Variants in FLVCR2 observed in about 807,000 individuals in gnomAD.
FLVCR2 encodes choline/ethanolamine transporter FLVCR2.
Under a neutral mutation model 48.9 loss-of-function variants are expected in FLVCR2, and 38 were observed. The ratio of observed to expected loss-of-function variants is 0.78; its 90% CI spans 0.60 to 1.02. FLVCR2 has a LOEUF of 1.02. Among genes scored for constraint, FLVCR2 ranks in the 50% least tolerant of loss-of-function variants. The pLI is 0.00. For missense variants in FLVCR2, 664 were observed against 663.3 expected, an observed-to-expected ratio of 1.00 and a Z score of -0.01; for synonymous variants, 255 against 257.0, an observed-to-expected ratio of 0.99 and a Z score of 0.07.
chr14:75,628,595 T>C (rs907281659), intron 3 of FLVCR2, among the ~76,000 whole-genome samples: 2 of 152,176 alleles, frequency 1.3e-5, no homozygotes, highest in African/African-American at 4.8e-5. Flanking sequence ...GCAACAGCAT[T>C]TCACAGGCAC....
rs1465593049 is a variant in FLVCR2 at position 75,578,631 on chromosome 14, C to A, written c.-342C>A. ...CAAGCTGGCCCGGGAGAGGACTCTGCGGGCGAAGTGGCTGCGCAAGGAGAG... is the reference window on the plus strand; with the variant it reads ...CAAGCTGGCCCGGGAGAGGACTCTGAGGGCGAAGTGGCTGCGCAAGGAGAG... On this transcript the variant is annotated 5_prime_UTR_variant, in exon 1 of 10. Coordinates refer to ENST00000238667, the MANE Select transcript of FLVCR2 (RefSeq NM_017791.3). 2.6e-6 allele frequency: 1 copy of A among 386,290 alleles called. No individual in the cohort carries two copies. The highest frequency in any genetic ancestry group is 2.3e-5 in the South Asian group (1 of 42,780). 23.9% of individuals were successfully genotyped at this position (386,290 alleles called of 1,614,324 possible).
chr14:75,617,146 G>T (rs1044763542), intron 1 of FLVCR2, among the ~76,000 whole-genome samples: 2 of 152,204 alleles, frequency 1.3e-5, no homozygotes, highest in Non-Finnish European at 2.9e-5. Context: ...GTGTTGTGTT[G>T]TGTAATGGGT....
intron 9 of FLVCR2, among the ~76,000 whole-genome samples, chr14:75,645,303 T>G (rs1201244669): frequency 2.6e-5 from 4 of 152,178 alleles, no homozygotes; most frequent in African/African-American, 9.7e-5. Flanking sequence ...CCTGTGCATG[T>G]CCTCTAGGCC....
intron 1 of FLVCR2, among the ~76,000 whole-genome samples, chr14:75,610,858 C>A (rs1889424825): frequency 6.6e-6 from 1 of 152,318 alleles, no homozygotes; most frequent in African/African-American, 2.4e-5. Flanking sequence ...CATCTACTCG[C>A]TTTGGGTGGT....
chr14:75,621,584 G>T (rs530836704), intron 1 of FLVCR2, among the ~76,000 whole-genome samples: 11 of 152,284 alleles, frequency 7.2e-5, no homozygotes, highest in South Asian at 2.1e-4. Flanking sequence ...ATAAACTGAA[G>T]CTTCCATGCT....
Position 75,579,498 on chromosome 14 carries a change from C to G in FLVCR2, c.526C>G (p.Leu176Val). The G allele has an allele frequency of 1.9e-6, 3 of 1,612,982 alleles. No homozygotes were observed. Among genetic ancestry groups the G allele is most frequent in the Non-Finnish European group, 2.5e-6 (3 of 1,179,084 alleles). The change falls in exon 1 of 10, where the codon CTC (leucine) becomes GTC (valine). Residue 176 changes from leucine (L) to valine (V), a missense_variant. Physicochemically the swap from Leu to Val is conservative, Grantham distance 32. Transcript: ENST00000238667. ...GAAGCTGGGCAGCCTGAAGCCGCAT[C>G]TCTTTCCGGTCACCGTGGTGGGCCA... ...WVKLGSLKPH[L>V]FPVTVVGQLI...
intron 1 of FLVCR2, among the ~76,000 whole-genome samples, chr14:75,616,052 C>T (rs928961300): frequency 3.7e-5 from 2 of 54,640 alleles, no homozygotes; most frequent in African/African-American, 4.9e-5. Context: ...AAAAAAATAG[C>T]GTAAGTCCAG....
At chr14:75,585,990 G>A (rs932808432) in intron 1 of FLVCR2, among the ~76,000 whole-genome samples, 1 of 152,184 alleles carries the variant, frequency 6.6e-6, no homozygotes, top group African/African-American at 2.4e-5. Context: ...GGTCGTAGGT[G>A]GATCTCTTCA....
intron 5 of FLVCR2, among the ~76,000 whole-genome samples, chr14:75,636,057 G>A (rs754416724): frequency 6.6e-6 from 1 of 152,142 alleles, no homozygotes; most frequent in Non-Finnish European, 1.5e-5. Context: ...CTTCCCTTGT[G>A]ATTTTCCAGT....
intron 1 of FLVCR2, among the ~76,000 whole-genome samples, chr14:75,586,222 C>G (rs1010041060): frequency 6.6e-6 from 1 of 152,024 alleles, no homozygotes; most frequent in Non-Finnish European, 1.5e-5. Context: ...TTGGGATAGG[C>G]GGTGGGTTAG....
At chr14:75,587,840 C>G (rs1287411824) in intron 1 of FLVCR2, among the ~76,000 whole-genome samples, 1 of 152,138 alleles carries the variant, frequency 6.6e-6, no homozygotes, top group Non-Finnish European at 1.5e-5. Context: ...GGTGAGAGTC[C>G]TATAGGATGG....
rs1889855642 is a variant in FLVCR2 at position 75,624,748 on chromosome 14, C to T, written c.948C>T (p.Thr316=). 1 of 1,614,046 alleles carries T rather than the reference C, an allele frequency of 6.2e-7. No individual in the cohort carries two copies. The highest frequency in any genetic ancestry group is 8.5e-7 in the Non-Finnish European group (1 of 1,180,024). ...KNLNFVLLVI[T]YGLNAGAFYA... ...TCAACTTTGTGCTGCTTGTCATCAC[C>T]TATGGTAAGGTGTCAATGTGTCTAG... Residue 316 remains threonine (T), a synonymous_variant, in exon 3 of 10, where the codon ACC becomes ACT. Transcript: ENST00000238667.
intron 1 of FLVCR2, among the ~76,000 whole-genome samples, chr14:75,584,073 A>G (rs1461630006): frequency 1.3e-4 from 20 of 152,096 alleles, no homozygotes; most frequent in Admixed American, 1.2e-3. Flanking sequence ...CACAGATGGC[A>G]CGGCTTAGGA....
chr14:75,642,361 A>G (rs549556911), intron 9 of FLVCR2, among the ~76,000 whole-genome samples: 88 of 152,334 alleles, frequency 5.8e-4, no homozygotes, highest in South Asian at 2.3e-3. Context: ...AGGCAGGGCC[A>G]TGGGGACGGA....
chr14:75,579,135 C>A lies in FLVCR2; in HGVS notation c.163C>A (p.Pro55Thr), dbSNP rs1255512651. Reference protein sequence around the residue: ...VSVHPSSSAHPSALAQPSGLA... With the variant: ...VSVHPSSSAHTSALAQPSGLA... ...TGTCCACCCCAGCAGTTCGGCCCAC[C>A]CCAGTGCCTTAGCCCAACCCAGTGG... Residue 55 changes from proline (P) to threonine (T), a missense_variant, in exon 1 of 10, where the codon CCC becomes ACC. By Grantham distance (38) the Pro-to-Thr change is conservative. Coordinates refer to ENST00000238667, the MANE Select transcript of FLVCR2 (RefSeq NM_017791.3). 4.3e-6 allele frequency: 7 copies of A among 1,614,126 alleles called. No homozygotes were observed. The highest frequency in any genetic ancestry group is 5.9e-6 in the Non-Finnish European group (7 of 1,180,002).
chr14:75,622,374 C>G (rs1208770564), intron 2 of FLVCR2, among the ~76,000 whole-genome samples, 154 bp downstream of exon 2: 1 of 152,130 alleles, frequency 6.6e-6, no homozygotes, highest in African/African-American at 2.4e-5. Flanking sequence ...AATGTTTTAG[C>G]CTGGGCAGTT....
At chr14:75,646,359 G>T in intron 9 of FLVCR2, 42 bp from the exon 10 acceptor site, 1 of 1,449,756 alleles carries the variant, frequency 6.9e-7, no homozygotes, top group Non-Finnish European at 9.7e-7. Context: ...GTGGAGTGCT[G>T]TGCCTTTACC....
intron 3 of FLVCR2, among the ~76,000 whole-genome samples, chr14:75,630,078 G>T (rs1890002069): frequency 6.6e-6 from 1 of 152,210 alleles, no homozygotes; most frequent in South Asian, 2.1e-4. Context: ...AAAACCCAAA[G>T]ATATGATCTG....
chr14:75,619,186 C>CACT (rs1228219899), intron 1 of FLVCR2, among the ~76,000 whole-genome samples: 1 of 152,004 alleles, frequency 6.6e-6, no homozygotes, highest in East Asian at 1.9e-4. Context: ...GAGATCATGC[C>CACT]ACTGCACTCC....
Sources: allele counts gnomAD v4.1 joint callset (sites outside exome capture counted in the v4.1 genomes callset), GRCh38; gene constraint gnomAD v4.1.1; transcripts MANE v1.5; gene names NCBI Gene and HGNC (gene_info 2026-07-23, HGNC 2026-07-21).